PRDM15: variants seen among roughly 807,000 people sequenced by gnomAD.
PRDM15 encodes PR domain zinc finger protein 15.
In PRDM15, 64 loss-of-function variants were observed where a neutral mutation model predicts 128.6. The ratio of observed to expected loss-of-function variants is 0.50; its 90% confidence interval spans 0.41 to 0.61. The LOEUF is 0.61. Ranked by LOEUF, PRDM15 falls within the 20% of genes least tolerant of loss-of-function variation. The probability of loss-of-function intolerance (pLI) is 0.00; values close to 1 mark genes in which losing one functional copy is unlikely to be tolerated. For synonymous variants in PRDM15, 615 were observed against 621.8 expected (o/e 0.99, Z 0.16); for missense variants, 1,242 against 1,569.1 (o/e 0.79, Z 3.52).
intron 6 of PRDM15, among the ~76,000 whole-genome samples, chr21:41,843,905 C>T (rs569867401): frequency 1.4e-5 from 2 of 145,244 alleles, no homozygotes; most frequent in African/African-American, 2.5e-5. Flanking sequence ...GCTAAGATCA[C>T]ACCATCGCAT....
At chr21:41,848,883 ATTAG>A (rs765544950) in intron 5 of PRDM15, among the ~76,000 whole-genome samples, 12 of 152,244 alleles carry the variant, frequency 7.9e-5, no homozygotes, top group Admixed American at 6.5e-5. Flanking sequence ...AGAAGAAAAT[ATTAG>A]TTAACAGTCA....
At chr21:41,853,795 A>G (rs972548157) in intron 5 of PRDM15, among the ~76,000 whole-genome samples, 12 of 152,274 alleles carry the variant, frequency 7.9e-5, no homozygotes, top group Non-Finnish European at 1.5e-4. Context: ...ACACGCGCGC[A>G]CACACACACT....
At chr21:41,834,542 C>G (rs1246721953) in intron 11 of PRDM15, 2 of 1,550,072 alleles carry the variant, frequency 1.3e-6, no homozygotes, top group Non-Finnish European at 1.7e-6. Flanking sequence ...CGGGCCCCCC[C>G]TCTCCAGGGT....
In PRDM15 at chr21:41,802,877, G is replaced by A. The variant is rs1424523639; in HGVS notation, c.2778C>T (p.His926=). 8 of 1,614,090 alleles carry A rather than the reference G, an allele frequency of 5.0e-6. No homozygotes were observed. Among genetic ancestry groups the A allele is most frequent in the African/African-American group, 1.3e-5 (1 of 75,040 alleles). Reference sequence around the variant, plus strand: ...TGTGACTTCGCTTGGCAGCTTTCCCGTGCTTCCCTTCGGCCAAATCCTCCT... The same window carrying A: ...TGTGACTTCGCTTGGCAGCTTTCCCATGCTTCCCTTCGGCCAAATCCTCCT... The part of the protein sequence containing the change: ...LEQEDLAEGK[H]GKAAKRSHKR... Residue 926 remains histidine, a synonymous_variant, in exon 23 of 24, where the codon CAC becomes CAT. Coordinates refer to ENST00000398548, the MANE Select transcript of PRDM15 (RefSeq NM_001040424.3).
intron 11 of PRDM15, among the ~76,000 whole-genome samples, chr21:41,833,770 C>A (rs1437952830): frequency 6.6e-6 from 1 of 152,228 alleles, no homozygotes; most frequent in Non-Finnish European, 1.5e-5. Context: ...CAGGAAGCTG[C>A]TGCTGCCTTA....
intron 5 of PRDM15, among the ~76,000 whole-genome samples, chr21:41,849,074 T>G (rs1217400545): frequency 6.6e-6 from 1 of 151,992 alleles, no homozygotes; most frequent in African/African-American, 2.4e-5. Context: ...AGATGGGAGG[T>G]GCAGCTAGAG....
In PRDM15 at chr21:41,852,991, G is replaced by A. The variant is rs1490822387; in HGVS notation, c.538+1575C>T. Among the ~76,000 whole-genome samples the A allele has an allele frequency of 2.0e-5, 3 of 152,226 alleles. No homozygotes were observed. In the East Asian group the frequency reaches 5.8e-4, roughly 29 times the overall value. ...GGAGTAACACAGCCATAAGCCAAGG[G>A]ACACAAAAGGCTACTGTGCCAGCCA... On this transcript the variant is annotated intron_variant, in intron 5 of 23. Transcript: ENST00000398548.
At chr21:41,871,803 G>A (rs2064222682) in intron 1 of PRDM15, 1 of 613,274 alleles carries the variant, frequency 1.6e-6, no homozygotes, top group Non-Finnish European at 2.8e-6. Flanking sequence ...CACCTCTCCA[G>A]CACCCAGGCT....
chr21:41,868,923 C>T (rs1351413576), intron 1 of PRDM15, among the ~76,000 whole-genome samples: 9 of 152,030 alleles, frequency 5.9e-5, no homozygotes, highest in Non-Finnish European at 1.0e-4. Flanking sequence ...CTCCTCACCT[C>T]GTGATCCACC....
At chr21:41,856,001 CTTCCT>C (rs1226449768) in intron 4 of PRDM15, among the ~76,000 whole-genome samples, 1 of 6,680 alleles carries the variant, frequency 1.5e-4, no homozygotes, top group Admixed American at 1.3e-3. Context: ...CCTCCCCTCC[CTTCCT>C]TCCTTTCCTT....
At chr21:41,835,574 A>G (rs1458883443) in intron 10 of PRDM15, 50 bp from the exon 11 acceptor site, 14 of 1,512,848 alleles carry the variant, frequency 9.3e-6, no homozygotes, top group Non-Finnish European at 1.3e-5. Context: ...CAGAGTCCAC[A>G]GATGCCGAGC....
chr21:41,877,133 G>C (rs1164013959), intron 1 of PRDM15: 1 of 152,786 alleles, frequency 6.5e-6, no homozygotes, highest in Non-Finnish European at 1.5e-5. Context: ...ACCTCCACCA[G>C]AGGCTCCCTC....
chr21:41,853,622 TC>T (rs1466936580), intron 5 of PRDM15, among the ~76,000 whole-genome samples: 2 of 152,174 alleles, frequency 1.3e-5, no homozygotes, highest in African/African-American at 4.8e-5. Context: ...GATTTAAAAT[TC>T]AGCAGCCCCG....
At chr21:41,850,050 T>A (rs1047510505) in intron 5 of PRDM15, among the ~76,000 whole-genome samples, 1 of 152,270 alleles carries the variant, frequency 6.6e-6, no homozygotes, top group African/African-American at 2.4e-5. Flanking sequence ...CCCAATGTTA[T>A]AAAATGTGTT....
intron 19 of PRDM15, 92 bp downstream of exon 19, chr21:41,815,613 C>A: frequency 1.3e-6 from 2 of 1,507,964 alleles, no homozygotes; most frequent in Non-Finnish European, 1.8e-6. Context: ...AAAGAGGAAT[C>A]GTCTCAAGGC....
chr21:41,801,103 TG>T lies in PRDM15; in HGVS notation c.*136del. 1 of 1,264,562 alleles carries T rather than the reference TG, an allele frequency of 7.9e-7. No individual in the cohort carries two copies. The highest frequency in any genetic ancestry group is 1.1e-6 in the Non-Finnish European group (1 of 931,118). 78.3% of individuals were successfully genotyped at this position (1,264,562 alleles called of 1,614,324 possible). ...CCGTAATGGTTGCTGGCGGGGGATC[TG>T]GAGATACTCTGCAAAGCTAAGTCAA... On this transcript the variant is annotated 3_prime_UTR_variant, in exon 24 of 24. Coordinates refer to ENST00000398548, the MANE Select transcript of PRDM15 (RefSeq NM_001040424.3).
intron 21 of PRDM15, among the ~76,000 whole-genome samples, chr21:41,809,010 G>C (rs28440771): frequency 0.73 from 110,560 of 152,186 alleles, 40,474 homozygotes; most frequent in Middle Eastern, 0.78. Flanking sequence ...GCCCCCGCAA[G>C]AGGCGAAGGA....
intron 13 of PRDM15, 21 bp from the exon 14 acceptor site, chr21:41,823,470 G>A (rs762666036): frequency 3.2e-6 from 5 of 1,546,450 alleles, no homozygotes; most frequent in African/African-American, 1.4e-5. Flanking sequence ...GGAGCCGCAT[G>A]GTGAGGGGCT....
intron 21 of PRDM15, among the ~76,000 whole-genome samples, chr21:41,805,942 C>A (rs2061553426): frequency 6.8e-6 from 1 of 147,902 alleles, no homozygotes; most frequent in African/African-American, 2.5e-5. Flanking sequence ...ATCAGTACCA[C>A]TACCACCACG....
Sources: allele counts gnomAD v4.1 joint callset (sites outside exome capture counted in the v4.1 genomes callset), GRCh38; gene constraint gnomAD v4.1.1; transcripts MANE v1.5; gene names NCBI Gene and HGNC (gene_info 2026-07-23, HGNC 2026-07-21).